Variants in LCLAT1 observed in about 807,000 individuals in gnomAD.
LCLAT1 encodes 1-AGP acyltransferase 8.
LCLAT1 carries 11 observed loss-of-function variants against 30.7 expected under a neutral mutation model. That is an observed-to-expected ratio of 0.36 (90% confidence interval 0.23 to 0.59). The LOEUF (loss-of-function observed/expected upper bound fraction) is 0.59, where lower values mean the gene tolerates loss of function less well. LCLAT1 is among the 20% of genes least tolerant of loss of function. LCLAT1 has a pLI of 0.77. For synonymous variants in LCLAT1, 155 were observed against 151.3 expected (o/e 1.02, Z -0.18); for missense variants, 402 against 458.6 (o/e 0.88, Z 1.13).
chr2:30,467,790 A>C (rs1303445484), intron 1 of LCLAT1, among the ~76,000 whole-genome samples: 3 of 151,584 alleles, frequency 2.0e-5, no homozygotes, highest in African/African-American at 7.3e-5. Flanking sequence ...GGGTTGTTTG[A>C]TTTTTTTCTT....
At chr2:30,607,403 G>A (rs1667501829) in intron 5 of LCLAT1, 1 of 152,056 alleles carries the variant, frequency 6.6e-6, no homozygotes, top group Non-Finnish European at 1.5e-5. Context: ...ATACAGTCAT[G>A]CAACACATAA....
intron 1 of LCLAT1, among the ~76,000 whole-genome samples, chr2:30,518,806 C>T (rs550825809): frequency 4.6e-5 from 7 of 152,220 alleles, no homozygotes; most frequent in Admixed American, 2.0e-4. Context: ...GATGATCCTT[C>T]GAACCAACAT....
At chr2:30,561,262 C>T (rs888433278) in intron 3 of LCLAT1, among the ~76,000 whole-genome samples, 3 of 152,066 alleles carry the variant, frequency 2.0e-5, no homozygotes, top group Admixed American at 1.3e-4. Flanking sequence ...CTATTTTTAT[C>T]CTGCCTCAGC....
chr2:30,495,431 A>G (rs1197283968), intron 1 of LCLAT1, among the ~76,000 whole-genome samples: 1 of 152,160 alleles, frequency 6.6e-6, no homozygotes, highest in Admixed American at 6.5e-5. Flanking sequence ...CCTAATGAAA[A>G]TTTTTACCCC....
At chr2:30,561,615 CACA>C (rs1665227185) in intron 3 of LCLAT1, among the ~76,000 whole-genome samples, 1 of 152,164 alleles carries the variant, frequency 6.6e-6, no homozygotes, top group Non-Finnish European at 1.5e-5. Context: ...AGTACCATTG[CACA>C]ATTTCCCTTT....
chr2:30,568,505 C>CTTTTT (rs35285466), intron 5 of LCLAT1, among the ~76,000 whole-genome samples: 16 of 85,320 alleles, frequency 1.9e-4, no homozygotes, highest in African/African-American at 4.3e-4. Context: ...GTCTTTCTTT[C>CTTTTT]TTTTTTTTTT....
chr2:30,576,541 A>G (rs140838701), intron 5 of LCLAT1, among the ~76,000 whole-genome samples: 45 of 152,206 alleles, frequency 3.0e-4, no homozygotes, highest in Non-Finnish European at 5.7e-4. Flanking sequence ...TTCATATGAA[A>G]ATCAAAATTC....
chr2:30,540,330 A>G (rs1051224779), intron 3 of LCLAT1, among the ~76,000 whole-genome samples: 5 of 152,252 alleles, frequency 3.3e-5, no homozygotes, highest in African/African-American at 1.2e-4. Flanking sequence ...AAATGATATC[A>G]TAGTATTTAA....
intron 1 of LCLAT1, among the ~76,000 whole-genome samples, chr2:30,458,803 A>G (rs1023231048): frequency 2.0e-5 from 3 of 152,198 alleles, no homozygotes; most frequent in African/African-American, 7.2e-5. Context: ...GGGTCCTTCA[A>G]GACAGGGGCA....
chr2:30,633,068 A>G (rs991426630), intron 5 of LCLAT1, among the ~76,000 whole-genome samples: 2 of 152,222 alleles, frequency 1.3e-5, no homozygotes, highest in African/African-American at 2.4e-5. Flanking sequence ...CTGTTCTTCA[A>G]AATGTACTGA....
chr2:30,634,612 A>G (rs962291663), intron 5 of LCLAT1, among the ~76,000 whole-genome samples: 3 of 152,238 alleles, frequency 2.0e-5, no homozygotes, highest in African/African-American at 4.8e-5. Flanking sequence ...ATAAAAATAA[A>G]TAATAATTTA....
chr2:30,637,259 A>G (rs534326028), intron 5 of LCLAT1, among the ~76,000 whole-genome samples: 1 of 152,072 alleles, frequency 6.6e-6, no homozygotes, highest in East Asian at 1.9e-4. Context: ...ATATTAAACT[A>G]GCTTGTACTG....
intron 5 of LCLAT1, among the ~76,000 whole-genome samples, chr2:30,629,695 G>A (rs1014473528): frequency 3.9e-5 from 6 of 152,166 alleles, no homozygotes; most frequent in Admixed American, 6.5e-5. Flanking sequence ...GTCAGTTTCC[G>A]ACATGTAGCT....
intron 5 of LCLAT1, among the ~76,000 whole-genome samples, chr2:30,604,867 T>A: frequency 6.6e-6 from 1 of 152,174 alleles, no homozygotes; most frequent in East Asian, 1.9e-4. Flanking sequence ...AACTTCAGCC[T>A]CAAATTTCCT....
rs79167610 is a variant in LCLAT1, at chr2:30,564,562, C to T, written c.511+2270C>T. 7.0e-3 allele frequency among the ~76,000 whole-genome samples: 1,059 copies of T among 152,050 alleles called. 12 individuals are homozygous for T. The highest frequency in any genetic ancestry group is 0.025 in the African/African-American group (1,019 of 41,456). ...ATATTTTAAATGCAAATGATGTTTA[C>T]CTTTGAAGCTAGACTTTGCCAAGGA... On this transcript the variant is annotated intron_variant, in intron 4 of 5. Coordinates refer to ENST00000379509, the MANE Select transcript of LCLAT1 (RefSeq NM_001002257.3).
chr2:30,591,933 C>G (rs1012552499), intron 5 of LCLAT1, among the ~76,000 whole-genome samples: 2 of 152,130 alleles, frequency 1.3e-5, no homozygotes, highest in African/African-American at 2.4e-5. Flanking sequence ...CCTATATCTT[C>G]TACATTTTTA....
intron 5 of LCLAT1, among the ~76,000 whole-genome samples, chr2:30,615,944 G>A (rs535097790): frequency 6.6e-6 from 1 of 152,166 alleles, no homozygotes; most frequent in African/African-American, 2.4e-5. Context: ...TTGTGTAAGG[G>A]ATTGAAATGA....
At chr2:30,483,680 A>C (rs984268630) in intron 1 of LCLAT1, among the ~76,000 whole-genome samples, 2 of 152,330 alleles carry the variant, frequency 1.3e-5, no homozygotes, top group Admixed American at 6.5e-5. Context: ...TGGTTGAGCT[A>C]TAAGAGATCT....
chr2:30,506,185 T>G (rs1409348252), intron 1 of LCLAT1, among the ~76,000 whole-genome samples: 4 of 152,146 alleles, frequency 2.6e-5, no homozygotes. Flanking sequence ...TTCTTTTTGT[T>G]CCTAAGAAAG....
Sources: allele counts gnomAD v4.1 joint callset (sites outside exome capture counted in the v4.1 genomes callset), GRCh38; gene constraint gnomAD v4.1.1; transcripts MANE v1.5; gene names NCBI Gene and HGNC (gene_info 2026-07-23, HGNC 2026-07-21).